Variants in TSC22D1 observed in about 807,000 individuals in gnomAD.
TSC22D1 encodes TSC22 domain family protein 1.
In TSC22D1, 9 loss-of-function variants were observed where a neutral mutation model predicts 74.2. The ratio of observed to expected loss-of-function variants is 0.12; its 90% CI spans 0.07 to 0.21. TSC22D1 has a LOEUF of 0.21. Among genes scored for constraint, TSC22D1 ranks in the 10% least tolerant of loss-of-function variants. TSC22D1 has a pLI of 1.00. For synonymous variants in TSC22D1, 586 were observed against 492.5 expected (o/e 1.19, Z -2.51); for missense variants, 1,427 against 1,304.7 (o/e 1.09, Z -1.44).
chr13:44,482,377 A>C (rs1878218330), intron 1 of TSC22D1, among the ~76,000 whole-genome samples: 1 of 152,124 alleles, frequency 6.6e-6, no homozygotes, highest in Non-Finnish European at 1.5e-5. Flanking sequence ...TCTACTAAAA[A>C]TACAAAAAAA....
At chr13:44,529,034 A>G (rs950575887) in intron 1 of TSC22D1, among the ~76,000 whole-genome samples, 2 of 152,080 alleles carry the variant, frequency 1.3e-5, no homozygotes, top group African/African-American at 4.8e-5. Context: ...TATGATACCA[A>G]TTCTCTATAA....
chr13:44,561,919 T>C (rs912135621), intron 1 of TSC22D1, among the ~76,000 whole-genome samples: 12 of 152,246 alleles, frequency 7.9e-5, no homozygotes, highest in Admixed American at 7.9e-4. Context: ...ATTCAACTGC[T>C]GGCTCTCCTT....
In TSC22D1 at chr13:44,575,683, A is replaced by T. The variant is rs1423990796; in HGVS notation, c.392T>A (p.Ile131Lys). 9.3e-6 allele frequency: 15 copies of T among 1,614,208 alleles called. No homozygotes were observed. The highest frequency in any genetic ancestry group is 1.2e-5 in the Non-Finnish European group (14 of 1,180,038). The change falls in exon 1 of 3, where the codon ATA becomes AAA. Residue 131 changes from isoleucine to lysine, a missense_variant. This residue lies in a region of TSC22D1 where 1,343 missense variants were observed against 1,191.5 expected (regional missense o/e 1.13). Transcript: ENST00000458659. The stretch of plus-strand genomic sequence containing the variant: ...ATCATAGCTCTCAGTGTCCTCTGCT[A>T]TACTGTTGTTAGAGCTGATACTAGC... The part of the protein sequence containing the change: ...ISASISSNNS[I>K]AEDTESYDDL...
At chr13:44,497,004 T>C (rs550916829) in intron 1 of TSC22D1, among the ~76,000 whole-genome samples, 2 of 152,168 alleles carry the variant, frequency 1.3e-5, no homozygotes, top group Non-Finnish European at 2.9e-5. Flanking sequence ...TATATATATA[T>C]AGCAGTTTCT....
At chr13:44,446,065 A>G (rs1276379993) in intron 1 of TSC22D1, among the ~76,000 whole-genome samples, 1 of 152,210 alleles carries the variant, frequency 6.6e-6, no homozygotes, top group Non-Finnish European at 1.5e-5. Context: ...TTACCACAAA[A>G]ATTTGGACAT....
intron 1 of TSC22D1, among the ~76,000 whole-genome samples, chr13:44,467,997 C>T (rs1001208501): frequency 4.1e-5 from 6 of 146,528 alleles, no homozygotes; most frequent in African/African-American, 1.5e-4. Context: ...CCTATACACA[C>T]ACGCGCACAC....
chr13:44,492,711 G>A (rs541108621), intron 1 of TSC22D1, among the ~76,000 whole-genome samples: 1 of 152,192 alleles, frequency 6.6e-6, no homozygotes, highest in South Asian at 2.1e-4. Context: ...GGGGCTGGGA[G>A]GAATACAATA....
intron 1 of TSC22D1, among the ~76,000 whole-genome samples, chr13:44,484,854 A>G (rs1878352861): frequency 6.6e-6 from 1 of 152,242 alleles, no homozygotes; most frequent in Non-Finnish European, 1.5e-5. Context: ...TTTAACTGAT[A>G]ACACTGGAAT....
At chr13:44,553,063 T>C (rs976577966) in intron 1 of TSC22D1, among the ~76,000 whole-genome samples, 8 of 152,168 alleles carry the variant, frequency 5.3e-5, no homozygotes. Flanking sequence ...GAATAATAAA[T>C]GTAGAGATGG....
chr13:44,499,628 A>G (rs1187475688), intron 1 of TSC22D1, among the ~76,000 whole-genome samples: 2 of 152,258 alleles, frequency 1.3e-5, no homozygotes, highest in African/African-American at 4.8e-5. Context: ...GACCCAAAGC[A>G]TTTCCCCCAA....
intron 1 of TSC22D1, among the ~76,000 whole-genome samples, chr13:44,451,005 C>T (rs1876085601): frequency 1.3e-5 from 2 of 152,100 alleles, no homozygotes; most frequent in Admixed American, 6.5e-5. Flanking sequence ...TTGCAAGAAC[C>T]TTGAATGGGA....
At chr13:44,576,331 C>T (rs1345485647), upstream of TSC22D1, 19 of 490,144 alleles carry the variant, frequency 3.9e-5, no homozygotes, top group Admixed American at 1.1e-4. Flanking sequence ...CATTCACTTT[C>T]CCCTCTAGCC....
chr13:44,522,631 C>G (rs538889624), intron 1 of TSC22D1, among the ~76,000 whole-genome samples: 4 of 152,118 alleles, frequency 2.6e-5, no homozygotes, highest in Non-Finnish European at 5.9e-5. Context: ...CAACCACATG[C>G]AAAAGGAAAA....
At chr13:44,559,301 G>C (rs1186917630) in intron 1 of TSC22D1, among the ~76,000 whole-genome samples, 1 of 152,122 alleles carries the variant, frequency 6.6e-6, no homozygotes, top group African/African-American at 2.4e-5. Flanking sequence ...ACCACACCTT[G>C]TACCCAAAGG....
intron 1 of TSC22D1, among the ~76,000 whole-genome samples, chr13:44,528,933 A>C (rs1433633003): frequency 6.6e-6 from 1 of 152,084 alleles, no homozygotes; most frequent in Non-Finnish European, 1.5e-5. Context: ...ATGGGAAAAA[A>C]CAGATAAACT....
chr13:44,563,400 T>C (rs1352289938), intron 1 of TSC22D1, among the ~76,000 whole-genome samples: 1 of 152,174 alleles, frequency 6.6e-6, no homozygotes, highest in Non-Finnish European at 1.5e-5. Flanking sequence ...CATTAACAAA[T>C]TATAGAAATG....
chr13:44,569,501 T>C (rs944743418), intron 1 of TSC22D1, among the ~76,000 whole-genome samples: 2 of 152,074 alleles, frequency 1.3e-5, no homozygotes, highest in Non-Finnish European at 2.9e-5. Context: ...TGCATGTACA[T>C]CTTGAAAAAA....
rs755570652 is a variant in TSC22D1, at chr13:44,433,071, G to A, written c.*1555C>T. Reference sequence around the variant, plus strand: ...ACTAGGAGAAACATCCCAACCCAGGGTGACAGGGTTCTTAAAGTGGAAATC... The same window carrying A: ...ACTAGGAGAAACATCCCAACCCAGGATGACAGGGTTCTTAAAGTGGAAATC... On this transcript the variant is annotated 3_prime_UTR_variant, in exon 3 of 3. Coordinates refer to ENST00000458659, the MANE Select transcript of TSC22D1 (RefSeq NM_183422.4). 1 of 152,174 alleles carries A rather than the reference G, an allele frequency of 6.6e-6. No individual in the cohort carries two copies. Among genetic ancestry groups the A allele is most frequent in the Non-Finnish European group, 1.5e-5 (1 of 68,044 alleles). 9.4% of individuals were successfully genotyped at this position (152,174 alleles called of 1,614,324 possible).
chr13:44,496,073 T>C (rs1421336704), intron 1 of TSC22D1, among the ~76,000 whole-genome samples: 2 of 152,210 alleles, frequency 1.3e-5, no homozygotes, highest in African/African-American at 4.8e-5. Flanking sequence ...TATAAGAGAC[T>C]TGTATCTAGA....
Sources: gnomAD v4.1 joint callset for allele counts (sites outside exome capture counted in the v4.1 genomes callset) on GRCh38, gnomAD v4.1.1 for gene constraint, gnomAD v4.1.1 regional missense constraint, MANE v1.5 for transcripts, NCBI Gene and HGNC (gene_info 2026-07-23, HGNC 2026-07-21) for gene names.